The following MAF variants were observed in gnomAD, a reference collection of about 807,000 sequenced individuals.
MAF encodes transcription factor Maf.
In MAF, 10 loss-of-function variants were observed where a neutral mutation model predicts 22.0. The observed-to-expected ratio is 0.45, with a 90% CI of 0.28 to 0.77. The LOEUF is 0.77. Ranked by LOEUF, MAF falls within the 30% of genes least tolerant of loss-of-function variation. The probability of loss-of-function intolerance (pLI) is 0.12; values close to 1 mark genes in which losing one functional copy is unlikely to be tolerated. For missense variants in MAF, 544 were observed against 548.4 expected (o/e 0.99, Z 0.08); for synonymous variants, 337 against 255.8 (o/e 1.32, Z -3.03).
chr16:79,401,817 A>G, the MAF span, among the ~76,000 whole-genome samples: 8 of 152,182 alleles, frequency 5.3e-5, no homozygotes, highest in East Asian at 1.5e-3. Flanking sequence ...GACAGCTGTG[A>G]GATGAAATGT....
At chr16:79,554,428 G>C in the MAF span, among the ~76,000 whole-genome samples, 1 of 152,250 alleles carries the variant, frequency 6.6e-6, no homozygotes, top group African/African-American at 2.4e-5. Flanking sequence ...CTGAGACAGA[G>C]GAAAAGACTC....
chr16:79,573,432 C>T, the MAF span, among the ~76,000 whole-genome samples: 1 of 152,168 alleles, frequency 6.6e-6, no homozygotes, highest in African/African-American at 2.4e-5. Context: ...TTACACCCCT[C>T]CTGTTCACCT....
chr16:79,232,050 G>A, the MAF span, among the ~76,000 whole-genome samples: 2 of 151,990 alleles, frequency 1.3e-5, no homozygotes, highest in Non-Finnish European at 2.9e-5. Context: ...GATAGGACAG[G>A]AGGTGGAGCT....
At chr16:79,356,650 G>A in the MAF span, among the ~76,000 whole-genome samples, 1 of 152,120 alleles carries the variant, frequency 6.6e-6, no homozygotes, top group Non-Finnish European at 1.5e-5. Flanking sequence ...TGGATGTGCT[G>A]TTGCTGCTGC....
At chr16:79,338,504 CG>C in the MAF span, among the ~76,000 whole-genome samples, 1 of 151,986 alleles carries the variant, frequency 6.6e-6, no homozygotes, top group Non-Finnish European at 1.5e-5. Context: ...GCAAATCTCG[CG>C]GTTAAAGATA....
the MAF span, among the ~76,000 whole-genome samples, chr16:79,339,897 G>A: frequency 6.6e-6 from 1 of 152,144 alleles, no homozygotes; most frequent in African/African-American, 2.4e-5. Flanking sequence ...TCCGCTAAAA[G>A]CATCCTGCCA....
chr16:79,364,700 T>C, the MAF span, among the ~76,000 whole-genome samples: 1 of 152,166 alleles, frequency 6.6e-6, no homozygotes, highest in Non-Finnish European at 1.5e-5. Flanking sequence ...AGCATTCATA[T>C]GATTTTGATA....
chr16:79,210,095 A>G, the MAF span, among the ~76,000 whole-genome samples: 5 of 152,338 alleles, frequency 3.3e-5, no homozygotes, highest in East Asian at 3.9e-4. Context: ...TCAAGCAGCC[A>G]GTTATTATCA....
the MAF span, among the ~76,000 whole-genome samples, chr16:79,447,239 C>T: frequency 3.3e-5 from 5 of 150,482 alleles, no homozygotes; most frequent in Admixed American, 6.7e-5. Context: ...TGCCTAGGTG[C>T]TGTAAGTGGA....
the MAF span, among the ~76,000 whole-genome samples, chr16:79,574,665 A>T: frequency 6.6e-6 from 1 of 152,100 alleles, no homozygotes; most frequent in South Asian, 2.1e-4. Flanking sequence ...TGACCTACCC[A>T]GGTCACATGG....
the MAF span, among the ~76,000 whole-genome samples, chr16:79,368,316 A>G: frequency 6.6e-6 from 1 of 152,170 alleles, no homozygotes; most frequent in Non-Finnish European, 1.5e-5. Context: ...CCATAAGAGA[A>G]GGTAATGGCA....
intron 1 of MAF, chr16:79,595,926 G>GA: frequency 1.9e-6 from 2 of 1,059,618 alleles, no homozygotes; most frequent in Non-Finnish European, 2.3e-6. Flanking sequence ...GTGTTAAAGA[G>GA]AAAAGCAAAA....
chr16:79,540,597 G>A, the MAF span, among the ~76,000 whole-genome samples: 1 of 152,334 alleles, frequency 6.6e-6, no homozygotes, highest in Admixed American at 6.5e-5. Context: ...AACTGGCTAG[G>A]AACCTCTGTG....
the MAF span, among the ~76,000 whole-genome samples, chr16:79,567,649 C>A: frequency 6.6e-6 from 1 of 152,194 alleles, no homozygotes; most frequent in South Asian, 2.1e-4. Flanking sequence ...GGCCTCTCCC[C>A]ACTGGGCTTG....
the MAF span, among the ~76,000 whole-genome samples, chr16:79,290,849 A>T: frequency 3.2e-4 from 48 of 152,228 alleles, no homozygotes; most frequent in African/African-American, 1.1e-3. Context: ...TCCATGAGAA[A>T]GCACCCTCAG....
At chr16:79,426,244 A>G in the MAF span, among the ~76,000 whole-genome samples, 6 of 152,082 alleles carry the variant, frequency 3.9e-5, no homozygotes, top group East Asian at 1.2e-3. Flanking sequence ...ACTGAGGTGG[A>G]AAATACATGC....
At chr16:79,269,051 G>A in the MAF span, among the ~76,000 whole-genome samples, 1 of 152,026 alleles carries the variant, frequency 6.6e-6, no homozygotes, top group Non-Finnish European at 1.5e-5. Flanking sequence ...ACCTTTTCTT[G>A]GCCAAATCTT....
chr16:79,469,321 T>G, the MAF span, among the ~76,000 whole-genome samples: 1 of 152,240 alleles, frequency 6.6e-6, no homozygotes, highest in Admixed American at 6.5e-5. Flanking sequence ...AAAAGTTTGC[T>G]GATTCTTACA....
chr16:79,508,132 A>T, the MAF span, among the ~76,000 whole-genome samples: 1 of 152,096 alleles, frequency 6.6e-6, no homozygotes, highest in African/African-American at 2.4e-5. Context: ...CCTTGGAAGG[A>T]GCGGGGAGTC....
Sources: allele counts gnomAD v4.1 joint callset (sites outside exome capture counted in the v4.1 genomes callset), GRCh38; gene constraint gnomAD v4.1.1; transcripts MANE v1.5; gene names NCBI Gene and HGNC (gene_info 2026-07-23, HGNC 2026-07-21).